KMT2C: variants seen among roughly 807,000 people sequenced by gnomAD.
KMT2C encodes the protein histone-lysine N-methyltransferase 2C.
A neutral mutation model predicts 507.9 loss-of-function variants in KMT2C; 88 were observed. The observed-to-expected ratio is 0.17, with a 90% CI of 0.15 to 0.21. KMT2C has a LOEUF of 0.21. Among genes scored for constraint, KMT2C ranks in the 10% least tolerant of loss-of-function variants. The pLI is 1.00. For synonymous variants in KMT2C, 2,049 were observed against 2,080.8 expected (o/e 0.98, Z 0.42); for missense variants, 4,954 against 5,957.8 (o/e 0.83, Z 5.55).
At chr7:152,171,967 AT>A (rs1238195601) in intron 39 of KMT2C, among the ~76,000 whole-genome samples, 2 of 152,252 alleles carry the variant, frequency 1.3e-5, no homozygotes, top group Non-Finnish European at 2.9e-5. Context: ...AATTAAAACT[AT>A]AAAAACTTCA....
chr7:152,184,916 A>C (rs548005673), intron 34 of KMT2C, among the ~76,000 whole-genome samples: 2 of 152,200 alleles, frequency 1.3e-5, no homozygotes, highest in East Asian at 3.9e-4. Context: ...CATCATACCC[A>C]GCTAATTTTT....
chr7:152,411,021 G>T (rs375627546), intron 1 of KMT2C, among the ~76,000 whole-genome samples: 1 of 151,036 alleles, frequency 6.6e-6, no homozygotes, highest in African/African-American at 2.4e-5. Flanking sequence ...TATATATATG[G>T]TGTGTGTATA....
chr7:152,184,550 T>C (rs1051554644), intron 34 of KMT2C, among the ~76,000 whole-genome samples: 2 of 152,186 alleles, frequency 1.3e-5, no homozygotes, highest in African/African-American at 2.4e-5. Context: ...TCTTTCAAGA[T>C]GCACAAAGAT....
intron 6 of KMT2C, among the ~76,000 whole-genome samples, chr7:152,290,283 TATATATATATA>T (rs1427372503): frequency 1.3e-3 from 51 of 38,180 alleles, no homozygotes; most frequent in African/African-American, 4.6e-3. Flanking sequence ...TATATATATA[TATATATATATA>T]TTTTTTTTTT....
chr7:152,419,431 C>CA (rs2097765728), intron 1 of KMT2C, among the ~76,000 whole-genome samples: 1 of 151,810 alleles, frequency 6.6e-6, no homozygotes, highest in African/African-American at 2.4e-5. Flanking sequence ...ATCAATTTAA[C>CA]AAAAAAAGTA....
chr7:152,179,178 T>C (rs2093339200), intron 37 of KMT2C, among the ~76,000 whole-genome samples: 4 of 152,330 alleles, frequency 2.6e-5, no homozygotes, highest in South Asian at 2.1e-4. Context: ...GTATTTTTAC[T>C]AGAGGCAGGG....
chr7:152,280,575 A>G lies in KMT2C; in HGVS notation c.850-6708T>C, dbSNP rs539010787. On this transcript the variant is annotated intron_variant, in intron 6 of 58. Coordinates refer to ENST00000262189, the MANE Select transcript of KMT2C (RefSeq NM_170606.3). Reference sequence around the variant, plus strand: ...AAGAAAATGGCGAGCTCAGCCCTACAACTGCATAGAACTGAATTCCTCCCA... The same window carrying G: ...AAGAAAATGGCGAGCTCAGCCCTACGACTGCATAGAACTGAATTCCTCCCA... Among the ~76,000 whole-genome samples, 3 of 152,048 alleles carry G rather than the reference A, an allele frequency of 2.0e-5. No individual in the cohort carries two copies. The South Asian group carries it at 6.2e-4, about 32-fold the overall frequency.
chr7:152,375,207 TG>T (rs757555083), intron 1 of KMT2C, among the ~76,000 whole-genome samples: 5 of 151,898 alleles, frequency 3.3e-5, no homozygotes, highest in Admixed American at 6.6e-5. Flanking sequence ...CACACCCAGC[TG>T]ATTTTTTATT....
rs747759224 is a variant in KMT2C at position 152,199,389 on chromosome 7, T to C, written c.4163A>G (p.Glu1388Gly). The C allele has an allele frequency of 6.2e-7, 1 of 1,601,522 alleles. No individual in the cohort carries two copies. Among genetic ancestry groups the C allele is most frequent in the Non-Finnish European group, 8.5e-7 (1 of 1,175,582 alleles). Residue 1388 changes from glutamate to glycine, a missense_variant, in exon 27 of 59, where the codon GAA becomes GGA. Glu to Gly is a moderately conservative substitution (Grantham distance 98). Transcript: ENST00000262189. Reference protein sequence around the residue: ...QSKISLDNLSEDGAQLLYKTN... With the variant: ...QSKISLDNLSGDGAQLLYKTN... ...TTTATATAAAAGCTGAGCTCCATCT[T>C]CTGACAGATTATCTAAACTTATCTT...
At chr7:152,245,276 G>A (rs551446492) in intron 14 of KMT2C, among the ~76,000 whole-genome samples, 9 of 152,062 alleles carry the variant, frequency 5.9e-5, no homozygotes, top group Non-Finnish European at 1.3e-4. Context: ...CAATAATTCC[G>A]GAACTGCTGT....
chr7:152,149,241 A>G, intron 51 of KMT2C, 89 bp from the exon 52 acceptor site: 1 of 1,282,346 alleles, frequency 7.8e-7, no homozygotes, highest in Non-Finnish European at 1.0e-6. Flanking sequence ...GAGCAGTATG[A>G]CTGAAGAGGA....
intron 52 of KMT2C, among the ~76,000 whole-genome samples, chr7:152,147,203 TTTTG>T (rs1465139653): frequency 1.3e-5 from 2 of 152,226 alleles, no homozygotes; most frequent in African/African-American, 2.4e-5. Context: ...CTCCACATAC[TTTTG>T]TTTGTGTACT....
At chr7:152,151,240 C>T (rs1165108516) in intron 50 of KMT2C, among the ~76,000 whole-genome samples, 1 of 152,088 alleles carries the variant, frequency 6.6e-6, no homozygotes, top group African/African-American at 2.4e-5. Context: ...ATACGTAGTC[C>T]TCATAATATT....
intron 9 of KMT2C, among the ~76,000 whole-genome samples, chr7:152,261,435 T>A (rs903232393): frequency 6.6e-6 from 1 of 152,146 alleles, no homozygotes; most frequent in Non-Finnish European, 1.5e-5. Flanking sequence ...GTAAAAGGAC[T>A]TCATCTAACT....
At position 152,146,624 on chromosome 7, in the gene KMT2C, G is replaced by A; in HGVS notation, c.14006C>T (p.Ser4669Phe). 1 of 1,614,196 alleles carries A rather than the reference G, an allele frequency of 6.2e-7. No homozygotes were observed. The highest frequency in any genetic ancestry group is 8.5e-7 in the Non-Finnish European group (1 of 1,180,020). ...TGATTCCGCTATGCGTGCCACTGCA[G>A]AGACGGTCAGGCCAAACAGATCCTC... is the stretch of plus-strand genomic sequence containing the variant. The part of the protein sequence containing the change: ...KGEDLFGLTV[S>F]AVARIAESLP... Residue 4669 changes from serine (S) to phenylalanine (F), a missense_variant, in exon 53 of 59, where the codon TCT (serine) becomes TTT (phenylalanine). By Grantham distance (155) the Ser-to-Phe change is radical. Around this residue, in one of 29 missense-constraint regions of KMT2C, gnomAD observed 221 missense variants for 304.7 expected, o/e 0.73. Coordinates refer to ENST00000262189, the MANE Select transcript of KMT2C (RefSeq NM_170606.3).
intron 26 of KMT2C, among the ~76,000 whole-genome samples, chr7:152,201,799 A>C (rs117988572): frequency 1.3e-5 from 2 of 152,154 alleles, no homozygotes; most frequent in African/African-American, 4.8e-5. Flanking sequence ...CTTTACATAC[A>C]TACTCTCACT....
At chr7:152,343,356 T>G (rs2097017633) in intron 2 of KMT2C, among the ~76,000 whole-genome samples, 1 of 151,104 alleles carries the variant, frequency 6.6e-6, no homozygotes, top group Admixed American at 6.6e-5. Context: ...GTGGGTCTAT[T>G]AGTAGACCTC....
chr7:152,296,976 C>G (rs1237363270), intron 6 of KMT2C, among the ~76,000 whole-genome samples: 2 of 52,682 alleles, frequency 3.8e-5, no homozygotes, highest in South Asian at 1.3e-3. Context: ...CCCATCACCA[C>G]TAAAAAGAAA....
rs552949813 is a variant in KMT2C, at chr7:152,222,594, G to A, written c.3412C>T (p.Pro1138Ser). 3.7e-6 allele frequency: 6 copies of A among 1,600,242 alleles called. No individual in the cohort carries two copies. The highest frequency in any genetic ancestry group is 2.3e-4 in the Middle Eastern group (1 of 4,408). ...DIGFDCSMCR[P>S]YMPASNVPSS... is the part of the protein sequence containing the mutation. ...TTACCATTAGACGCAGGCATATAGG[G>A]TCTGCACATGCTACAATCAAAACCA... Residue 1138 changes from proline to serine, a missense_variant, in exon 21 of 59, where the codon CCC becomes TCC. Physicochemically the swap from Pro to Ser is moderately conservative, Grantham distance 74. Transcript: ENST00000262189.
Sources: allele counts gnomAD v4.1 joint callset (sites outside exome capture counted in the v4.1 genomes callset), GRCh38; gene constraint gnomAD v4.1.1; regional missense constraint gnomAD v4.1.1; transcripts MANE v1.5; gene names NCBI Gene and HGNC (gene_info 2026-07-23, HGNC 2026-07-21).